Variants in ARG2 observed in about 807,000 individuals in gnomAD.
ARG2 encodes the protein arginase-2, mitochondrial.
ARG2 carries 21 observed loss-of-function variants against 39.4 expected under a neutral mutation model. The ratio of observed to expected loss-of-function variants is 0.53; its 90% CI spans 0.38 to 0.77. The LOEUF is 0.77. ARG2 is among the 30% of genes least tolerant of loss of function. The pLI is 0.00. For missense variants in ARG2, 378 were observed against 426.2 expected (o/e 0.89, Z 1.00); for synonymous variants, 150 against 156.7 (o/e 0.96, Z 0.32).
In ARG2 at chr14:67,645,752, A is replaced by T. The variant is rs1296757217; in HGVS notation, c.472A>T (p.Asn158Tyr). Reference protein sequence around the residue: ...INTPLTTSSGNLHGQPVSFLL... With the variant: ...INTPLTTSSGYLHGQPVSFLL... ...CACACCCCTTACCACTTCATCAGGA[A>T]ATCTCCATGGACAGCCAGTTTCATT... Residue 158 changes from asparagine (N) to tyrosine (Y), a missense_variant, in exon 4 of 8, where the codon AAT becomes TAT. Coordinates refer to ENST00000261783, the MANE Select transcript of ARG2 (RefSeq NM_001172.4). The T allele has an allele frequency of 2.5e-6, 4 of 1,613,956 alleles. No individual in the cohort carries two copies. The highest frequency in any genetic ancestry group is 3.4e-6 in the Non-Finnish European group (4 of 1,179,962).
chr14:67,631,539 G>C (rs879486460), intron 2 of ARG2, among the ~76,000 whole-genome samples: 1 of 146,738 alleles, frequency 6.8e-6, no homozygotes, highest in Non-Finnish European at 1.5e-5. Context: ...AGGTTCAAAC[G>C]ATCCTCCTAC....
At chr14:67,621,869 G>A (rs537284915) in intron 2 of ARG2, among the ~76,000 whole-genome samples, 1 of 151,852 alleles carries the variant, frequency 6.6e-6, no homozygotes, top group South Asian at 2.1e-4. Flanking sequence ...GGCCAAGGTG[G>A]GTGGATCACC....
At chr14:67,641,506 C>T (rs1323888702) in intron 2 of ARG2, among the ~76,000 whole-genome samples, 1 of 152,170 alleles carries the variant, frequency 6.6e-6, no homozygotes, top group Non-Finnish European at 1.5e-5. Flanking sequence ...ATTTTAGTTG[C>T]CTCACACAAC....
chr14:67,651,174 A>G lies in ARG2; in HGVS notation c.*254A>G, dbSNP rs970594572. 6.8e-6 allele frequency: 7 copies of G among 1,025,430 alleles called. No individual in the cohort carries two copies. The highest frequency in any genetic ancestry group is 9.7e-6 in the Non-Finnish European group (7 of 724,140). 63.5% of individuals were successfully genotyped at this position (1,025,430 alleles called of 1,614,324 possible). A position where few individuals can be genotyped will look rare whatever the true frequency, so the allele number is the denominator to read the frequency against. On this transcript the variant is annotated 3_prime_UTR_variant, in exon 8 of 8. Coordinates refer to ENST00000261783, the MANE Select transcript of ARG2 (RefSeq NM_001172.4). ...TTTAAAGAAGTCATAAACAGCATTT[A>G]TTACCTTGGTATATCATACTGGTCT...
intron 2 of ARG2, among the ~76,000 whole-genome samples, chr14:67,627,763 C>T (rs1003251157): frequency 6.6e-6 from 1 of 152,092 alleles, no homozygotes; most frequent in Admixed American, 6.5e-5. Flanking sequence ...AGCAAGACCC[C>T]ATCTCTACAT....
chr14:67,642,276 T>G lies in ARG2; in HGVS notation c.275T>G (p.Val92Gly), dbSNP rs771605897. The G allele has an allele frequency of 6.2e-7, 1 of 1,614,044 alleles. No homozygotes were observed. The highest frequency in any genetic ancestry group is 1.1e-5 in the South Asian group (1 of 91,088). ...AACCTGATAGTGAATCCACGCTCAG[T>G]GGGTCTTGCCAACCAGGAACTGGCT... ...YNNLIVNPRSVGLANQELAEV... is the reference protein window; with the variant it reads ...YNNLIVNPRSGGLANQELAEV... Residue 92 changes from valine (V) to glycine (G), a missense_variant, in exon 3 of 8, where the codon GTG becomes GGG. Val to Gly is a moderately radical substitution (Grantham distance 109, BLOSUM62 -3). Coordinates refer to ENST00000261783, the MANE Select transcript of ARG2 (RefSeq NM_001172.4).
At chr14:67,626,036 TTCA>T (rs1375884350) in intron 2 of ARG2, among the ~76,000 whole-genome samples, 1 of 152,024 alleles carries the variant, frequency 6.6e-6, no homozygotes, top group African/African-American at 2.4e-5. Context: ...GGCAGATCAT[TTCA>T]GGTCAGGAGT....
intron 1 of ARG2, 32 bp from the exon 2 acceptor site, chr14:67,620,862 A>G (rs766797131): frequency 4.7e-5 from 76 of 1,612,598 alleles, no homozygotes; most frequent in Non-Finnish European, 6.4e-5. Flanking sequence ...CACCTTCTCT[A>G]CCTCTAATTG....
chr14:67,644,188 A>G (rs747911009), intron 3 of ARG2, among the ~76,000 whole-genome samples: 2 of 152,236 alleles, frequency 1.3e-5, no homozygotes, highest in Non-Finnish European at 1.5e-5. Context: ...AGATAAGTGC[A>G]TAACTTGAAT....
At chr14:67,649,871 A>G (rs1169185618) in intron 7 of ARG2, 6 of 152,174 alleles carry the variant, frequency 3.9e-5, no homozygotes, top group Non-Finnish European at 8.8e-5. Flanking sequence ...CTTCATCCAG[A>G]ATAACCAACT....
intron 2 of ARG2, among the ~76,000 whole-genome samples, chr14:67,633,689 G>T (rs995434667): frequency 8.5e-5 from 13 of 152,148 alleles, no homozygotes; most frequent in Non-Finnish European, 1.2e-4. Context: ...TAGAAACCAC[G>T]GTTGTTCCCC....
intron 2 of ARG2, among the ~76,000 whole-genome samples, chr14:67,634,212 C>G (rs543917004): frequency 6.6e-6 from 1 of 152,180 alleles, no homozygotes; most frequent in Admixed American, 6.5e-5. Flanking sequence ...TGATCTGCTA[C>G]TTAGAAGCCA....
intron 5 of ARG2, 85 bp downstream of exon 5, chr14:67,646,823 T>C (rs550168138): frequency 3.1e-5 from 44 of 1,428,066 alleles, no homozygotes; most frequent in African/African-American, 2.5e-4. Flanking sequence ...ACTTGGTCTA[T>C]TGCAGGTCAC....
At chr14:67,648,233 T>C in intron 7 of ARG2, 50 bp downstream of exon 7, 1 of 1,561,594 alleles carries the variant, frequency 6.4e-7, no homozygotes, top group Non-Finnish European at 8.7e-7. Flanking sequence ...GTAAATATGC[T>C]AGAGTCTCTT....
In ARG2 at chr14:67,648,137, A is replaced by G; in HGVS notation, c.813A>G (p.Leu271=). The change falls in exon 7 of 8, where the codon CTA becomes CTG. Residue 271 remains leucine (L), a synonymous_variant. Coordinates refer to ENST00000261783, the MANE Select transcript of ARG2 (RefSeq NM_001172.4). ...CAGGAACTCCTGTTGTCGGGGGACT[A>G]ACCTATCGAGAAGGCATGTATATTG... ...PATGTPVVGG[L]TYREGMYIAE... 6.2e-7 allele frequency: 1 copy of G among 1,614,076 alleles called. No individual in the cohort carries two copies. The highest frequency in any genetic ancestry group is 1.1e-5 in the South Asian group (1 of 91,080).
intron 2 of ARG2, among the ~76,000 whole-genome samples, chr14:67,640,015 A>G (rs958515346): frequency 6.6e-6 from 1 of 151,538 alleles, no homozygotes; most frequent in Non-Finnish European, 1.5e-5. Context: ...CTTGAAGGTT[A>G]ATTAAAGCTT....
At chr14:67,638,417 A>G (rs1423516805) in intron 2 of ARG2, among the ~76,000 whole-genome samples, 3 of 152,180 alleles carry the variant, frequency 2.0e-5, no homozygotes, top group Non-Finnish European at 4.4e-5. Context: ...ATACAGTAGT[A>G]AAACCCGGGC....
intron 3 of ARG2, 67 bp downstream of exon 3, chr14:67,642,430 C>G: frequency 6.5e-7 from 1 of 1,538,782 alleles, no homozygotes; most frequent in South Asian, 1.2e-5. Flanking sequence ...AACTTAGCTT[C>G]TTTATCTGTT....
intron 4 of ARG2, among the ~76,000 whole-genome samples, chr14:67,646,265 G>T (rs2037097523): frequency 6.6e-6 from 1 of 152,202 alleles, no homozygotes; most frequent in South Asian, 2.1e-4. Context: ...CGGAAGTCCT[G>T]TGTCGGCTGT....
Sources: gnomAD v4.1 joint callset for allele counts (sites outside exome capture counted in the v4.1 genomes callset) on GRCh38, gnomAD v4.1.1 for gene constraint, MANE v1.5 for transcripts, NCBI Gene and HGNC (gene_info 2026-07-23, HGNC 2026-07-21) for gene names.